KLHL30: variants seen among roughly 807,000 people sequenced by gnomAD.
The protein encoded by KLHL30 is kelch like family member 30, also known as kelch-like protein 30.
Under a neutral mutation model 55.0 loss-of-function variants are expected in KLHL30, and 55 were observed. The ratio of observed to expected loss-of-function variants is 1.00; its 90% CI spans 0.80 to 1.25. The LOEUF (loss-of-function observed/expected upper bound fraction) is 1.25. Among genes scored for constraint, KLHL30 ranks in the 50% most tolerant of loss-of-function variants. The pLI, the probability that KLHL30 is intolerant of heterozygous loss-of-function variation, is 0.00. For missense variants in KLHL30, 786 were observed against 811.6 expected (o/e 0.97, Z 0.38); for synonymous variants, 356 against 372.6 (o/e 0.96, Z 0.51).
Position 238,141,363 on chromosome 2 carries a change from G to C in KLHL30, c.609G>C (p.Trp203Cys). The change falls in exon 2 of 8, where the codon TGG becomes TGC. Residue 203 changes from tryptophan (W) to cysteine (C), a missense_variant. Trp to Cys is a radical substitution (Grantham distance 215). Coordinates refer to ENST00000409223, the MANE Select transcript of KLHL30 (RefSeq NM_198582.4). ...GCCGACTCGAGGCCCTGATGCGCTG[G>C]GTGCGCCATGACCCGCAGGCCCGGG... ...EQSRLEALMR[W>C]VRHDPQARAA... 1 of 1,597,988 alleles carries C rather than the reference G, an allele frequency of 6.3e-7. No individual in the cohort carries two copies. Among genetic ancestry groups the C allele is most frequent in the Non-Finnish European group, 8.5e-7 (1 of 1,176,566 alleles).
At chr2:238,141,919 T>G (rs1464139437) in intron 2 of KLHL30, among the ~76,000 whole-genome samples, 1 of 152,078 alleles carries the variant, frequency 6.6e-6, no homozygotes, top group Non-Finnish European at 1.5e-5. Flanking sequence ...GCATCTGAGC[T>G]GGGCCTTAGA....
intron 5 of KLHL30, 44 bp downstream of exon 5, chr2:238,145,876 C>T (rs764866542): frequency 1.3e-6 from 2 of 1,521,042 alleles, no homozygotes; most frequent in Non-Finnish European, 1.8e-6. Flanking sequence ...TGGTTCTAGC[C>T]TCTCATCCCT....
intron 3 of KLHL30, 68 bp downstream of exon 3, chr2:238,142,999 C>T: frequency 6.9e-7 from 1 of 1,448,456 alleles, no homozygotes; most frequent in South Asian, 1.6e-5. Flanking sequence ...GCTGTGTCCT[C>T]CTTGCAGGTG....
chr2:238,144,194 C>A (rs1221615668), intron 3 of KLHL30, among the ~76,000 whole-genome samples: 1 of 152,138 alleles, frequency 6.6e-6, no homozygotes, highest in African/African-American at 2.4e-5. Flanking sequence ...CTGTGAAGTC[C>A]CCATAGCTCC....
At chr2:238,142,339 G>T (rs976697918) in intron 2 of KLHL30, among the ~76,000 whole-genome samples, 3 of 152,204 alleles carry the variant, frequency 2.0e-5, no homozygotes, top group East Asian at 1.9e-4. Context: ...AGCCTTGCCC[G>T]TGGACGGTCA....
At chr2:238,143,442 C>T (rs1692578808) in intron 3 of KLHL30, among the ~76,000 whole-genome samples, 1 of 152,262 alleles carries the variant, frequency 6.6e-6, no homozygotes, top group Admixed American at 6.5e-5. Context: ...GCCTCAGCTT[C>T]CTCATCTGTG....
In KLHL30 at chr2:238,144,895, C is replaced by T. The variant is rs776040973; in HGVS notation, c.908-7C>T. The T allele has an allele frequency of 1.2e-6, 2 of 1,604,992 alleles. No individual in the cohort carries two copies. The highest frequency in any genetic ancestry group is 1.1e-5 in the South Asian group (1 of 89,290). On this transcript the variant is annotated splice_region_variant and splice_polypyrimidine_tract_variant and intron_variant, in intron 3 of 7. Coordinates refer to ENST00000409223, the MANE Select transcript of KLHL30 (RefSeq NM_198582.4). ...GCCTGACCCTTCTGCCTCTCTCTTC[C>T]TGCCAGAGAGGTGGATGGCACTTCC...
Position 238,140,919 on chromosome 2 carries a change from C to T in KLHL30, c.165C>T (p.Ser55=). ...ACCGCGGCCTCCTGGCGCTCAGCAG[C>T]CCCTACTTCCATGCCATGTTTGCGG... ...PCHRGLLALS[S]PYFHAMFAGD... The change falls in exon 2 of 8, where the codon AGC becomes AGT. Residue 55 remains serine (S), a synonymous_variant. Coordinates refer to ENST00000409223, the MANE Select transcript of KLHL30 (RefSeq NM_198582.4). 1 of 1,610,830 alleles carries T rather than the reference C, an allele frequency of 6.2e-7. No individual in the cohort carries two copies. The highest frequency in any genetic ancestry group is 8.5e-7 in the Non-Finnish European group (1 of 1,178,396).
In KLHL30 at chr2:238,152,009, T is replaced by A. The variant is rs1692764750; in HGVS notation, c.*944T>A. Reference sequence around the variant, plus strand: ...CGAGTGGCTTCTCCCTCATCCTGAATGAGGCACCCACCTTTGCAGCTAAGG... The same window carrying A: ...CGAGTGGCTTCTCCCTCATCCTGAAAGAGGCACCCACCTTTGCAGCTAAGG... On this transcript the variant is annotated 3_prime_UTR_variant, in exon 8 of 8. Coordinates refer to ENST00000409223, the MANE Select transcript of KLHL30 (RefSeq NM_198582.4). The A allele has an allele frequency of 2.0e-6, 2 of 985,384 alleles. No individual in the cohort carries two copies. The highest frequency in any genetic ancestry group is 1.7e-5 in the African/African-American group (1 of 57,236). The allele number at this position is 985,384 out of a possible 1,614,324, so 61.0% of individuals were successfully genotyped here.
Position 238,151,153 on chromosome 2 carries a change from C to A in KLHL30, c.*88C>A. On this transcript the variant is annotated 3_prime_UTR_variant, in exon 8 of 8. Coordinates refer to ENST00000409223, the MANE Select transcript of KLHL30 (RefSeq NM_198582.4). ...CCCCTTTCATTTTCGCTTATTTGTT[C>A]ACTCGGAGCTACCATTCCTTCCAAG... 1 of 1,477,736 alleles carries A rather than the reference C, an allele frequency of 6.8e-7. No individual in the cohort carries two copies. The highest frequency in any genetic ancestry group is 1.3e-5 in the South Asian group (1 of 74,586). 91.5% of individuals were successfully genotyped at this position (1,477,736 alleles called of 1,614,324 possible). A position where few individuals can be genotyped will look rare whatever the true frequency, so the allele number is the denominator to read the frequency against.
intron 6 of KLHL30, among the ~76,000 whole-genome samples, chr2:238,148,626 G>A (rs1002271984): frequency 1.3e-5 from 2 of 151,472 alleles, no homozygotes; most frequent in Non-Finnish European, 3.0e-5. Context: ...GGCCCACCTG[G>A]GTACCAGGCC....
At chr2:238,143,358 G>A (rs1057397819) in intron 3 of KLHL30, among the ~76,000 whole-genome samples, 4 of 152,226 alleles carry the variant, frequency 2.6e-5, no homozygotes, top group East Asian at 1.9e-4. Context: ...CTGGAGGAGC[G>A]AGAACTCAGC....
chr2:238,150,934 T>A lies in KLHL30; in HGVS notation c.1606T>A (p.Tyr536Asn), dbSNP rs1692744088. The A allele has an allele frequency of 6.3e-7, 1 of 1,591,172 alleles. No homozygotes were observed. Among genetic ancestry groups the A allele is most frequent in the East Asian group, 2.3e-5 (1 of 43,420 alleles). Residue 536 changes from tyrosine (Y) to asparagine (N), a missense_variant, in exon 8 of 8, where the codon TAC becomes AAC. By Grantham distance (143) the Tyr-to-Asn change is moderately radical (BLOSUM62 -2). Coordinates refer to ENST00000409223, the MANE Select transcript of KLHL30 (RefSeq NM_198582.4). Reference sequence around the variant, plus strand: ...TGACTACCACGTGGAGATGGAGGCCTACGACACGGTTCGGGACACCTGGAC... The same window carrying A: ...TGACTACCACGTGGAGATGGAGGCCAACGACACGGTTCGGGACACCTGGAC... ...EGDYHVEMEAYDTVRDTWTRH... is the reference protein window; with the variant it reads ...EGDYHVEMEANDTVRDTWTRH...
chr2:238,151,303 T>C lies in KLHL30; in HGVS notation c.*238T>C. On this transcript the variant is annotated 3_prime_UTR_variant, in exon 8 of 8. Coordinates refer to ENST00000409223, the MANE Select transcript of KLHL30 (RefSeq NM_198582.4). ...AGGGCCTGAGTGCCAGACGCTGGCA[T>C]AACAGGGACAGGAAGCTCTGCTGCC... The C allele has an allele frequency of 1.7e-6, 1 of 598,638 alleles. No homozygotes were observed. Among genetic ancestry groups the C allele is most frequent in the Non-Finnish European group, 2.9e-6 (1 of 347,172 alleles). The allele number at this position is 598,638 out of a possible 1,614,324, so 37.1% of individuals were successfully genotyped here. A position where few individuals can be genotyped will look rare whatever the true frequency, so the allele number is the denominator to read the frequency against.
In KLHL30 at chr2:238,149,152, G is replaced by A. The variant is rs199786535; in HGVS notation, c.1485G>A (p.Lys495=). The part of the protein sequence containing the change: ...VYDPGANLWQ[K]VQSQHSLHEN... ...ACCCCGGGGCCAACCTGTGGCAGAA[G>A]GTGGGCCGCCCCCTCCCCCAACATG... Residue 495 remains lysine (K), a splice_region_variant and synonymous_variant, in exon 7 of 8, where the codon AAG becomes AAA. Coordinates refer to ENST00000409223, the MANE Select transcript of KLHL30 (RefSeq NM_198582.4). The A allele has an allele frequency of 2.5e-6, 4 of 1,612,512 alleles. No homozygotes were observed. Among genetic ancestry groups the A allele is most frequent in the East Asian group, 4.5e-5 (2 of 44,872 alleles).
intron 1 of KLHL30, among the ~76,000 whole-genome samples, chr2:238,139,740 C>A (rs1692498057): frequency 6.6e-6 from 1 of 152,184 alleles, no homozygotes; most frequent in South Asian, 2.1e-4. Context: ...CCCGGGATGG[C>A]CCCGCGAGGC....
intron 3 of KLHL30, among the ~76,000 whole-genome samples, chr2:238,144,509 A>G (rs1692613035): frequency 6.6e-6 from 1 of 151,704 alleles, no homozygotes; most frequent in Non-Finnish European, 1.5e-5. Flanking sequence ...ATCACCCACT[A>G]GTGACACCCA....
At chr2:238,139,240 C>T (rs1488973666) in intron 1 of KLHL30, among the ~76,000 whole-genome samples, 1 of 152,220 alleles carries the variant, frequency 6.6e-6, no homozygotes, top group Non-Finnish European at 1.5e-5. Context: ...CAGCAGCTGG[C>T]CCAAGGGAGC....
Position 238,151,817 on chromosome 2 carries a change from A to C in KLHL30, c.*752A>C. 1 of 945,922 alleles carries C rather than the reference A, an allele frequency of 1.1e-6. No individual in the cohort carries two copies. Among genetic ancestry groups the C allele is most frequent in the Non-Finnish European group, 1.3e-6 (1 of 793,866 alleles). 58.6% of individuals were successfully genotyped at this position (945,922 alleles called of 1,614,324 possible). On this transcript the variant is annotated 3_prime_UTR_variant, in exon 8 of 8. Coordinates refer to ENST00000409223, the MANE Select transcript of KLHL30 (RefSeq NM_198582.4). ...GGAGGTGAGCAGTTTTGCTCTCAGA[A>C]GGGATTGCCTCCGTCTCTGTGTGTC...
Sources: gnomAD v4.1 joint callset for allele counts (sites outside exome capture counted in the v4.1 genomes callset) on GRCh38, gnomAD v4.1.1 for gene constraint, MANE v1.5 for transcripts, NCBI Gene and HGNC (gene_info 2026-07-23, HGNC 2026-07-21) for gene names.